COL19A1: variants seen among roughly 807,000 people sequenced by gnomAD.
COL19A1 encodes collagen alpha-1(XIX) chain.
In COL19A1, 159 loss-of-function variants were observed where a neutral mutation model predicts 190.2. The ratio of observed to expected loss-of-function variants is 0.84; its 90% CI spans 0.73 to 0.95. The LOEUF is 0.95. Ranked by LOEUF, COL19A1 falls within the 40% of genes least tolerant of loss-of-function variation. COL19A1 has a pLI of 0.00. For synonymous variants in COL19A1, 509 were observed against 458.9 expected, an observed-to-expected ratio of 1.11 and a Z score of -1.39; for missense variants, 1,418 against 1,431.9, an observed-to-expected ratio of 0.99 and a Z score of 0.16.
intron 41 of COL19A1, among the ~76,000 whole-genome samples, chr6:70,175,769 T>A (rs1765763605): frequency 1.3e-5 from 2 of 152,172 alleles, no homozygotes. Flanking sequence ...AGAATTGCAT[T>A]AAATTTATAA....
intron 16 of COL19A1, among the ~76,000 whole-genome samples, chr6:70,121,511 T>C (rs536566697): frequency 2.8e-4 from 42 of 152,192 alleles, no homozygotes; most frequent in Non-Finnish European, 6.2e-4. Flanking sequence ...AGTTCTATAG[T>C]ACATTGATCA....
chr6:70,117,342 C>G (rs1368500857), intron 16 of COL19A1, among the ~76,000 whole-genome samples: 1 of 152,176 alleles, frequency 6.6e-6, no homozygotes, highest in Non-Finnish European at 1.5e-5. Context: ...AACTTTTAAA[C>G]TTTGGGAATG....
At chr6:70,085,029 A>G (rs1461933770) in intron 15 of COL19A1, among the ~76,000 whole-genome samples, 1 of 152,186 alleles carries the variant, frequency 6.6e-6, no homozygotes. Context: ...GATGATTAGA[A>G]AAATATATGT....
chr6:70,186,709 ATCTCTCTCTC>A (rs141792412), intron 46 of COL19A1, among the ~76,000 whole-genome samples: 1 of 148,302 alleles, frequency 6.7e-6, no homozygotes, highest in East Asian at 2.0e-4. Context: ...AACTGCCATG[ATCTCTCTCTC>A]TCTCTCTCTC....
intron 36 of COL19A1, among the ~76,000 whole-genome samples, chr6:70,165,049 T>A (rs965044251): frequency 7.2e-5 from 11 of 152,168 alleles, no homozygotes; most frequent in African/African-American, 2.7e-4. Flanking sequence ...AGTAGAAATT[T>A]TACTCTATCT....
intron 14 of COL19A1, among the ~76,000 whole-genome samples, chr6:70,051,155 T>C (rs1369728856): frequency 1.3e-5 from 2 of 152,162 alleles, no homozygotes; most frequent in African/African-American, 4.8e-5. Context: ...TCCTTAATAA[T>C]ATTGTTCTTT....
intron 49 of COL19A1, 23 bp downstream of exon 49, chr6:70,199,759 G>A: frequency 6.4e-7 from 1 of 1,574,598 alleles, no homozygotes; most frequent in Non-Finnish European, 8.6e-7. Flanking sequence ...GTGTAATATT[G>A]GCTTATTGAT....
chr6:70,172,045 A>G (rs1765530525), intron 41 of COL19A1, 28 bp downstream of exon 41: 2 of 1,602,658 alleles, frequency 1.2e-6, no homozygotes. Flanking sequence ...AAATGTGTTC[A>G]TTTATTCAAC....
chr6:69,997,374 C>T (rs578232389), intron 11 of COL19A1, among the ~76,000 whole-genome samples: 15 of 152,266 alleles, frequency 9.9e-5, no homozygotes, highest in South Asian at 2.1e-4. Context: ...TGGTGGCTCA[C>T]GCCTGTAATC....
At chr6:70,046,729 A>G (rs1008636681) in intron 14 of COL19A1, among the ~76,000 whole-genome samples, 4 of 152,128 alleles carry the variant, frequency 2.6e-5, no homozygotes, top group Admixed American at 6.6e-5. Context: ...GTCTTGCCTT[A>G]TTCATTTTTT....
At chr6:70,055,972 G>T (rs1479660781) in intron 14 of COL19A1, among the ~76,000 whole-genome samples, 1 of 151,622 alleles carries the variant, frequency 6.6e-6, no homozygotes, top group Non-Finnish European at 1.5e-5. Context: ...TTCTCATTGA[G>T]TTTCTTGTTT....
chr6:70,106,948 G>C (rs1784012531), intron 16 of COL19A1, among the ~76,000 whole-genome samples: 1 of 152,238 alleles, frequency 6.6e-6, no homozygotes, highest in South Asian at 2.1e-4. Flanking sequence ...AGAGGAAAGA[G>C]GGATGAAGCA....
At chr6:69,985,629 A>G (rs1172853994) in intron 11 of COL19A1, among the ~76,000 whole-genome samples, 1 of 152,194 alleles carries the variant, frequency 6.6e-6, no homozygotes, top group East Asian at 1.9e-4. Context: ...AGTTTCCTTC[A>G]CCATTACTGA....
chr6:69,943,248 G>T (rs534462849), intron 9 of COL19A1, among the ~76,000 whole-genome samples: 98 of 152,108 alleles, frequency 6.4e-4, no homozygotes, highest in African/African-American at 2.1e-3. Context: ...GATTATTGGG[G>T]TTTTTGTTTG....
intron 4 of COL19A1, among the ~76,000 whole-genome samples, chr6:69,903,392 A>C (rs573548263): frequency 6.6e-6 from 1 of 152,238 alleles, no homozygotes; most frequent in South Asian, 2.1e-4. Context: ...TGTACTCAGC[A>C]TACTTCACTG....
At chr6:70,188,047 T>C (rs780977729) in intron 46 of COL19A1, 28 bp from the exon 47 acceptor site, 23 of 1,611,746 alleles carry the variant, frequency 1.4e-5, no homozygotes, top group Non-Finnish European at 1.7e-6. Flanking sequence ...GAAGAGATTA[T>C]TCTTTGTTAT....
At chr6:70,067,992 A>AAC (rs1781345565) in intron 14 of COL19A1, among the ~76,000 whole-genome samples, 1 of 152,146 alleles carries the variant, frequency 6.6e-6, no homozygotes, top group Non-Finnish European at 1.5e-5. Context: ...GTTTGAAGCC[A>AAC]ACACCATAAT....
intron 13 of COL19A1, 36 bp downstream of exon 13, chr6:70,034,334 TA>T: frequency 1.9e-6 from 3 of 1,543,482 alleles, no homozygotes; most frequent in Non-Finnish European, 2.7e-6. Flanking sequence ...AACCTTTCTT[TA>T]AGAAAACTCT....
chr6:70,037,429 TA>T (rs1779411937), intron 14 of COL19A1, among the ~76,000 whole-genome samples: 1 of 152,116 alleles, frequency 6.6e-6, no homozygotes, highest in South Asian at 2.1e-4. Context: ...GTGCTGGGAT[TA>T]CAGGCTTGAG....
Sources: gnomAD v4.1 joint callset for allele counts (sites outside exome capture counted in the v4.1 genomes callset) on GRCh38, gnomAD v4.1.1 for gene constraint, MANE v1.5 for transcripts, NCBI Gene and HGNC (gene_info 2026-07-23, HGNC 2026-07-21) for gene names.